Variants in FCER1A observed in about 807,000 individuals in gnomAD.
The protein encoded by FCER1A is Fc epsilon receptor Ia.
Under a neutral mutation model 23.6 loss-of-function variants are expected in FCER1A, and 24 were observed. The observed-to-expected ratio is 1.02, with a 90% confidence interval of 0.74 to 1.43. The LOEUF (loss-of-function observed/expected upper bound fraction) is 1.43, where lower values mean the gene tolerates loss of function less well. Ranked by LOEUF, FCER1A falls within the 40% of genes most tolerant of loss-of-function variation. The probability of loss-of-function intolerance (pLI) is 0.00; values close to 1 mark genes in which losing one functional copy is unlikely to be tolerated. For synonymous variants in FCER1A, 121 were observed against 108.8 expected (o/e 1.11, Z -0.70); for missense variants, 318 against 294.5 (o/e 1.08, Z -0.58).
At chr1:159,297,657 A>G (rs1408670589), upstream of FCER1A, among the ~76,000 whole-genome samples, 2 of 152,136 alleles carry the variant, frequency 1.3e-5, no homozygotes, top group African/African-American at 4.8e-5. Context: ...TGAACTCTTA[A>G]TTAATCTTGC....
chr1:159,291,140 G>T (rs977989409), intron 1 of FCER1A, among the ~76,000 whole-genome samples: 2 of 152,088 alleles, frequency 1.3e-5, no homozygotes, highest in Non-Finnish European at 2.9e-5. Flanking sequence ...AACATGGCAA[G>T]GAATAGAATA....
intron 3 of FCER1A, among the ~76,000 whole-genome samples, chr1:159,304,985 T>C (rs1325655844): frequency 6.6e-6 from 1 of 152,208 alleles, no homozygotes; most frequent in Non-Finnish European, 1.5e-5. Context: ...GTTTCATTTT[T>C]ATCACTCCTA....
chr1:159,307,659 C>CCCTAAG, intron 4 of FCER1A, 89 bp from the exon 5 acceptor site: 1 of 968,050 alleles, frequency 1.0e-6, no homozygotes, highest in Non-Finnish European at 1.6e-6. Context: ...AAAGCTTGGT[C>CCCTAAG]TTTCTCTTAG....
At chr1:159,297,803 G>A (rs1652331331), upstream of FCER1A, among the ~76,000 whole-genome samples, 1 of 151,970 alleles carries the variant, frequency 6.6e-6, no homozygotes, top group African/African-American at 2.4e-5. Context: ...TTCTTGGGAG[G>A]ATGAGGTGGG....
chr1:159,304,441 A>AAT (rs1553235184), intron 3 of FCER1A, among the ~76,000 whole-genome samples: 16 of 151,786 alleles, frequency 1.1e-4, no homozygotes, highest in East Asian at 5.8e-4. Flanking sequence ...TCTGCTAAAA[A>AAT]ATATATATAT....
chr1:159,301,950 T>G (rs12086637), upstream of FCER1A, among the ~76,000 whole-genome samples: 18,804 of 152,194 alleles, frequency 0.12, 3,920 homozygotes, highest in African/African-American at 0.43. Context: ...AAATGAAATA[T>G]CAGATTTATT....
chr1:159,290,495 T>G (rs1652121425), intron 1 of FCER1A, among the ~76,000 whole-genome samples: 1 of 152,180 alleles, frequency 6.6e-6, no homozygotes, highest in Non-Finnish European at 1.5e-5. Flanking sequence ...CTCAACTTAT[T>G]GGAGGGAATA....
chr1:159,306,187 G>C lies in FCER1A; in HGVS notation c.531G>C (p.Thr177=). The change falls in exon 4 of 5, where the codon ACG becomes ACC. Residue 177 remains threonine, a synonymous_variant. Transcript: ENST00000693622. ...TVEDSGTYYC[T]GKVWQLDYES... ...AAGACAGTGGAACCTACTACTGTAC[G>C]GGCAAAGTGTGGCAGCTGGACTATG... 1 of 1,614,000 alleles carries C rather than the reference G, an allele frequency of 6.2e-7. No homozygotes were observed. Among genetic ancestry groups the C allele is most frequent in the East Asian group, 2.2e-5 (1 of 44,870 alleles).
chr1:159,307,842 G>T lies in FCER1A; in HGVS notation c.684G>T (p.Gln228His). Reference sequence around the variant, plus strand: ...CAGGATTATTTATCTCAACTCAGCAGCAGGTCACATTTCTCTTGAAGATTA... The same window carrying T: ...CAGGATTATTTATCTCAACTCAGCATCAGGTCACATTTCTCTTGAAGATTA... ...VDTGLFISTQ[Q>H]QVTFLLKIKR... is the part of the protein sequence containing the mutation. The change falls in exon 5 of 5, where the codon CAG becomes CAT. Residue 228 changes from glutamine (Q) to histidine (H), a missense_variant. Physicochemically the swap from Gln to His is conservative, Grantham distance 24. Transcript: ENST00000693622. 1 of 1,613,328 alleles carries T rather than the reference G, an allele frequency of 6.2e-7. No homozygotes were observed. The highest frequency in any genetic ancestry group is 8.5e-7 in the Non-Finnish European group (1 of 1,179,342).
At chr1:159,301,876 A>T (rs1652439256), upstream of FCER1A, among the ~76,000 whole-genome samples, 1 of 152,212 alleles carries the variant, frequency 6.6e-6, no homozygotes, top group African/African-American at 2.4e-5. Context: ...ACTAAGATTC[A>T]GTTTTCCTGT....
chr1:159,294,759 T>C (rs913917477), intron 1 of FCER1A, among the ~76,000 whole-genome samples: 13 of 152,190 alleles, frequency 8.5e-5, no homozygotes, highest in Non-Finnish European at 2.9e-5. Flanking sequence ...TTAGTTTTAG[T>C]GACAGAAAGA....
chr1:159,308,064 A>G lies in FCER1A; in HGVS notation c.*132A>G. 1.7e-6 allele frequency: 1 copy of G among 582,340 alleles called. No individual in the cohort carries two copies. The highest frequency in any genetic ancestry group is 3.1e-5 in the Admixed American group (1 of 32,018). 36.1% of individuals were successfully genotyped at this position (582,340 alleles called of 1,614,324 possible). ...AAGGATTTATAGAAATGCTTCATTA[A>G]ACTGAGTGAAACTGGTTAAGTGGCA... On this transcript the variant is annotated 3_prime_UTR_variant, in exon 5 of 5. Transcript: ENST00000693622.
Position 159,307,996 on chromosome 1 carries a change from T to C in FCER1A, c.*64T>C. 8.2e-7 allele frequency: 1 copy of C among 1,221,554 alleles called. No individual in the cohort carries two copies. The highest frequency in any genetic ancestry group is 2.0e-5 in the Admixed American group (1 of 50,608). The allele number at this position is 1,221,554 out of a possible 1,614,324, so 75.7% of individuals were successfully genotyped here. A position where few individuals can be genotyped will look rare whatever the true frequency, so the allele number is the denominator to read the frequency against. On this transcript the variant is annotated 3_prime_UTR_variant, in exon 5 of 5. Coordinates refer to ENST00000693622, the MANE Select transcript of FCER1A (RefSeq NM_001387280.1). ...TCCAGCATCAGCAATTGCTACTCAA[T>C]TGTCAAACACAGCTTGCAATATACA...
chr1:159,307,381 G>A (rs1652646816), intron 4 of FCER1A, among the ~76,000 whole-genome samples: 1 of 152,194 alleles, frequency 6.6e-6, no homozygotes, highest in Admixed American at 6.5e-5. Context: ...GATTGATTGA[G>A]TAATAGGCAT....
Position 159,302,374 on chromosome 1 carries a change from G to A in FCER1A, c.10G>A (p.Ala4Thr). 1 of 1,610,318 alleles carries A rather than the reference G, an allele frequency of 6.2e-7. No homozygotes were observed. Among genetic ancestry groups the A allele is most frequent in the East Asian group, 2.2e-5 (1 of 44,868 alleles). MAP[A>T]MESPTLLCVA... The stretch of plus-strand genomic sequence containing the variant: ...GGAGTCCATGAAGAAGATGGCTCCT[G>A]CCATGGAATCCCCTACTCTACTGTG... Residue 4 changes from alanine to threonine, a missense_variant, in exon 1 of 5, where the codon GCC becomes ACC. Ala to Thr is a moderately conservative substitution (Grantham distance 58). Coordinates refer to ENST00000693622, the MANE Select transcript of FCER1A (RefSeq NM_001387280.1).
intron 3 of FCER1A, among the ~76,000 whole-genome samples, chr1:159,304,443 T>A (rs1036883904): frequency 2.3e-4 from 35 of 151,474 alleles, no homozygotes; most frequent in African/African-American, 7.3e-4. Context: ...TGCTAAAAAA[T>A]ATATATATAT....
At chr1:159,299,029 T>C (rs1370273569), upstream of FCER1A, among the ~76,000 whole-genome samples, 2 of 152,244 alleles carry the variant, frequency 1.3e-5, no homozygotes, top group Admixed American at 6.5e-5. Context: ...ATTGCCAGGT[T>C]CAAATTCTAA....
rs574517469 is a variant in FCER1A at position 159,307,604 on chromosome 1, TTTCTC to T, written c.590-142_590-138del. 2,311 of 595,544 alleles carry T rather than the reference TTTCTC, an allele frequency of 3.9e-3. 13 individuals carry two copies. Among genetic ancestry groups the T allele is most frequent in the Middle Eastern group, 8.1e-3 (25 of 3,090 alleles). The allele number at this position is 595,544 out of a possible 1,614,324, so 36.9% of individuals were successfully genotyped here. A position where few individuals can be genotyped will look rare whatever the true frequency, so the allele number is the denominator to read the frequency against. ...CTCAACCTAGTGTTAATCTGAGTGT[TTTCTC>T]TGTGCTTCTGGATGCCACATCACGC... On this transcript the variant is annotated intron_variant, in intron 4 of 4. Transcript: ENST00000693622.
intron 4 of FCER1A, among the ~76,000 whole-genome samples, chr1:159,307,541 A>C (rs1000274424): frequency 6.6e-6 from 1 of 152,168 alleles, no homozygotes; most frequent in Non-Finnish European, 1.5e-5. Context: ...GGAAATGCTT[A>C]GGACTCCCTG....
Sources: allele counts gnomAD v4.1 joint callset (sites outside exome capture counted in the v4.1 genomes callset), GRCh38; gene constraint gnomAD v4.1.1; transcripts MANE v1.5; gene names NCBI Gene and HGNC (gene_info 2026-07-23, HGNC 2026-07-21).